Variants in XXYLT1 observed in about 807,000 individuals in gnomAD.
XXYLT1 encodes UDP-xylose:alpha-xyloside alpha-1,3-xylosyltransferase.
A neutral mutation model predicts 28.9 loss-of-function variants in XXYLT1; 20 were observed. The ratio of observed to expected loss-of-function variants is 0.69; its 90% CI spans 0.49 to 1.00. XXYLT1 has a LOEUF of 1.00. Ranked by LOEUF, XXYLT1 falls within the 50% of genes least tolerant of loss-of-function variation. The pLI is 0.00. For synonymous variants in XXYLT1, 257 were observed against 253.8 expected (o/e 1.01, Z -0.12); for missense variants, 542 against 560.1 (o/e 0.97, Z 0.33).
intron 1 of XXYLT1, among the ~76,000 whole-genome samples, chr3:195,266,192 G>A (rs1057432839): frequency 2.0e-5 from 3 of 152,126 alleles, no homozygotes; most frequent in Non-Finnish European, 4.4e-5. Flanking sequence ...GAATGGAAGC[G>A]ATACAATAAA....
intron 3 of XXYLT1, among the ~76,000 whole-genome samples, chr3:195,119,844 T>C (rs1034798583): frequency 6.7e-6 from 1 of 150,044 alleles, no homozygotes; most frequent in Non-Finnish European, 1.5e-5. Context: ...CCAAGAACAA[T>C]AGCTGGGGAG....
At position 195,156,416 on chromosome 3, in the gene XXYLT1, C is replaced by T. The variant is rs112079066; in HGVS notation, c.785+33G>A. The T allele has an allele frequency of 6.3e-5, 101 of 1,605,844 alleles. 1 individual carries two copies. Among genetic ancestry groups the T allele is most frequent in the Middle Eastern group, 5.0e-4 (3 of 5,988 alleles). On this transcript the variant is annotated intron_variant, in intron 3 of 3. Coordinates refer to ENST00000310380, the MANE Select transcript of XXYLT1 (RefSeq NM_152531.5). ...GAGAGGGTGAAGGGTGGGGAGGGGT[C>T]GTGGAGGCGGCCCCCCTGCAGTCAT...
chr3:195,179,029 G>A (rs1721812114), intron 2 of XXYLT1, among the ~76,000 whole-genome samples: 1 of 152,152 alleles, frequency 6.6e-6, no homozygotes, highest in Admixed American at 6.5e-5. Flanking sequence ...CTCCAGGGAG[G>A]CCATGGAGGA....
At chr3:195,194,552 C>T (rs1248524978) in intron 2 of XXYLT1, among the ~76,000 whole-genome samples, 4 of 152,138 alleles carry the variant, frequency 2.6e-5, no homozygotes, top group Non-Finnish European at 5.9e-5. Flanking sequence ...CCCAGCAATT[C>T]TACTCCTAGG....
intron 2 of XXYLT1, among the ~76,000 whole-genome samples, chr3:195,177,702 G>A (rs1301848548): frequency 6.6e-6 from 1 of 152,028 alleles, no homozygotes; most frequent in Non-Finnish European, 1.5e-5. Flanking sequence ...GAGGGAGGAC[G>A]ATCGCTGAGT....
chr3:195,239,499 A>G (rs1434299337), intron 1 of XXYLT1, among the ~76,000 whole-genome samples: 1 of 152,260 alleles, frequency 6.6e-6, no homozygotes, highest in Non-Finnish European at 1.5e-5. Context: ...TCCATACTGA[A>G]GGCAATTAGC....
chr3:195,155,589 G>T (rs1170391675), intron 3 of XXYLT1, among the ~76,000 whole-genome samples: 1 of 150,492 alleles, frequency 6.6e-6, no homozygotes, highest in African/African-American at 2.5e-5. Flanking sequence ...AAAAGTGCAT[G>T]CAAACATGAA....
At chr3:195,112,428 GCACA>G (rs375678793) in intron 3 of XXYLT1, among the ~76,000 whole-genome samples, 2,735 of 113,782 alleles carry the variant, frequency 0.024, 74 homozygotes, top group African/African-American at 0.07. Flanking sequence ...ACACACACAT[GCACA>G]CACACGCACG....
chr3:195,270,446 G>C, intron 1 of XXYLT1, 109 bp downstream of exon 1: 2 of 1,342,588 alleles, frequency 1.5e-6, no homozygotes, highest in South Asian at 3.7e-5. Context: ...GGGCAGCTCA[G>C]GGAAGATCCT....
At chr3:195,152,514 G>A (rs1720332021) in intron 3 of XXYLT1, 1 of 152,388 alleles carries the variant, frequency 6.6e-6, no homozygotes, top group Non-Finnish European at 1.5e-5. Context: ...TCACTTTCCA[G>A]AACACACTGT....
At chr3:195,246,575 G>T (rs1472396668) in intron 1 of XXYLT1, among the ~76,000 whole-genome samples, 1 of 152,206 alleles carries the variant, frequency 6.6e-6, no homozygotes, top group African/African-American at 2.4e-5. Flanking sequence ...AAGACTCAGG[G>T]GAAAAATGAG....
chr3:195,141,714 T>C (rs1474603660), intron 3 of XXYLT1, among the ~76,000 whole-genome samples: 1 of 152,222 alleles, frequency 6.6e-6, no homozygotes, highest in Non-Finnish European at 1.5e-5. Context: ...GCCAATGCTC[T>C]GGGAATCTAA....
At chr3:195,225,744 G>T (rs539458858) in intron 2 of XXYLT1, among the ~76,000 whole-genome samples, 1 of 151,716 alleles carries the variant, frequency 6.6e-6, no homozygotes, top group East Asian at 1.9e-4. Flanking sequence ...GACCTGGTGG[G>T]GGGTAATTTA....
intron 1 of XXYLT1, among the ~76,000 whole-genome samples, chr3:195,229,749 C>A (rs540028071): frequency 6.9e-4 from 105 of 152,310 alleles, no homozygotes; most frequent in African/African-American, 2.5e-3. Flanking sequence ...AATAGTACTC[C>A]ATTTTGTATA....
chr3:195,114,880 G>A (rs1717963305), intron 3 of XXYLT1, among the ~76,000 whole-genome samples: 2 of 152,248 alleles, frequency 1.3e-5, no homozygotes, highest in Admixed American at 1.3e-4. Context: ...CCGGTGCAAG[G>A]AGGCTGCCAC....
At chr3:195,244,360 C>T (rs1183285293) in intron 1 of XXYLT1, among the ~76,000 whole-genome samples, 5 of 152,212 alleles carry the variant, frequency 3.3e-5, no homozygotes, top group Admixed American at 6.5e-5. Flanking sequence ...CTTTGCTGCA[C>T]GCACACATGG....
chr3:195,088,611 C>G (rs978201808), intron 3 of XXYLT1, among the ~76,000 whole-genome samples: 1 of 120,162 alleles, frequency 8.3e-6, no homozygotes, highest in South Asian at 3.5e-4. Flanking sequence ...CTCTAAAAAG[C>G]AGAGCACCTC....
At chr3:195,242,623 C>T (rs7642127) in intron 1 of XXYLT1, among the ~76,000 whole-genome samples, 21,039 of 152,042 alleles carry the variant, frequency 0.14, 3,159 homozygotes, top group African/African-American at 0.37. Flanking sequence ...AGTGGAAAAG[C>T]GGGGGTTCAC....
intron 1 of XXYLT1, among the ~76,000 whole-genome samples, chr3:195,235,996 G>A (rs1724529612): frequency 6.6e-6 from 1 of 152,116 alleles, no homozygotes; most frequent in African/African-American, 2.4e-5. Context: ...TTGGGGAGGG[G>A]TGACACCCCT....
Sources: allele counts gnomAD v4.1 joint callset (sites outside exome capture counted in the v4.1 genomes callset), GRCh38; gene constraint gnomAD v4.1.1; transcripts MANE v1.5; gene names NCBI Gene and HGNC (gene_info 2026-07-23, HGNC 2026-07-21).